Variants in SHANK1 observed in about 807,000 individuals in gnomAD.
SHANK1 encodes SH3 and multiple ankyrin repeat domains 1.
In SHANK1, 35 loss-of-function variants were observed where a neutral mutation model predicts 165.6. That is an observed-to-expected ratio of 0.21 (90% CI 0.16 to 0.28). SHANK1 has a LOEUF of 0.28. Among genes scored for constraint, SHANK1 ranks in the 10% least tolerant of loss-of-function variants. The pLI is 1.00. For missense variants in SHANK1, 2,681 were observed against 3,036.4 expected (o/e 0.88, Z 2.75); for synonymous variants, 1,428 against 1,384.8 (o/e 1.03, Z -0.69).
chr19:50,697,815 T>C lies in SHANK1; in HGVS notation c.1861+28A>G, dbSNP rs1432747265. ...GTGGACGTGGGAATCCTAGGGTCCA[T>C]TGAACACTGCTGGGGGTTCCGCATT... On this transcript the variant is annotated intron_variant, in intron 13 of 23. Transcript: ENST00000293441. The surrounding 1 kb of genome is among the most constrained non-coding windows in gnomAD (Gnocchi z 4.7). The C allele has an allele frequency of 1.3e-6, 2 of 1,586,476 alleles. No homozygotes were observed. The highest frequency in any genetic ancestry group is 1.7e-5 in the Admixed American group (1 of 59,868).
rs2123140434 is a variant in SHANK1 at position 50,690,454 on chromosome 19, G to A, written c.1965-1175C>T. Among the ~76,000 whole-genome samples the A allele has an allele frequency of 6.6e-6, 1 of 152,168 alleles. No homozygotes were observed. Among genetic ancestry groups the A allele is most frequent in the East Asian group, 1.9e-4 (1 of 5,180 alleles). Reference sequence around the variant, plus strand: ...CAGACACCCTGGCTGCAACCCCACTGCCTTCAGAATACCCAAGAACACCCA... The same window carrying A: ...CAGACACCCTGGCTGCAACCCCACTACCTTCAGAATACCCAAGAACACCCA... On this transcript the variant is annotated intron_variant, in intron 15 of 23. Coordinates refer to ENST00000293441, the MANE Select transcript of SHANK1 (RefSeq NM_016148.5). This position sits in a 1 kb window ranked among gnomAD's most constrained non-coding sequence, Gnocchi z 4.9.
At chr19:50,676,600 T>A (rs1202486456) in intron 21 of SHANK1, among the ~76,000 whole-genome samples, 1 of 152,134 alleles carries the variant, frequency 6.6e-6, no homozygotes, top group Non-Finnish European at 1.5e-5. Context: ...CAAGGTCTCC[T>A]CTCTGGAGAG....
In SHANK1 at chr19:50,668,066, G is replaced by A. The variant is rs1164549714; in HGVS notation, c.3894C>T (p.Tyr1298=). The change falls in exon 23 of 24, where the codon TAC becomes TAT. Residue 1298 remains tyrosine (Y), a synonymous_variant. Transcript: ENST00000293441. ...IDEGMFSAEP[Y]LRLESAGSGA... is the part of the protein sequence containing the mutation. ...CGCTGCCCGCAGACTCCAGTCGGAG[G>A]TAGGGCTCGGCGGAGAACATGCCCT... is the stretch of plus-strand genomic sequence containing the variant. The A allele has an allele frequency of 7.4e-6, 11 of 1,480,646 alleles. No homozygotes were observed. The East Asian group carries it at 3.3e-4, about 44-fold the overall frequency. The allele number at this position is 1,480,646 out of a possible 1,614,324, so 91.7% of individuals were successfully genotyped here.
At chr19:50,693,408 C>T (rs1298446622) in intron 15 of SHANK1, among the ~76,000 whole-genome samples, 1 of 151,172 alleles carries the variant, frequency 6.6e-6, no homozygotes, top group Non-Finnish European at 1.5e-5. Context: ...GCCCCTGCAG[C>T]ACCCCATTCA....
rs368927877 is a variant in SHANK1 at position 50,703,629 on chromosome 19, G to A, written c.1424C>T (p.Ser475Leu). The A allele has an allele frequency of 1.2e-5, 19 of 1,548,168 alleles. No homozygotes were observed. The highest frequency in any genetic ancestry group is 5.9e-5 in the Admixed American group (3 of 51,234). Residue 475 changes from serine (S) to leucine (L), a missense_variant, in exon 11 of 24, where the codon TCG becomes TTG. Physicochemically the swap from Ser to Leu is moderately radical, Grantham distance 145. Transcript: ENST00000293441. ...GCTGCTGAGCTTGGTGGTGGGGGCC[G>A]AGGGCTGCGACTGGCCCTGGGACCC... Reference protein sequence around the residue: ...TSGSQGQSQPSAPTTKLSSGT... With the variant: ...TSGSQGQSQPLAPTTKLSSGT...
rs1985618520 is a variant in SHANK1, at chr19:50,668,017, C to T, written c.3943G>A (p.Ala1315Thr). The T allele has an allele frequency of 1.4e-6, 2 of 1,475,668 alleles. No homozygotes were observed. Among genetic ancestry groups the T allele is most frequent in the Admixed American group, 2.3e-5 (1 of 43,000 alleles). The allele number at this position is 1,475,668 out of a possible 1,614,324, so 91.4% of individuals were successfully genotyped here. A position where few individuals can be genotyped will look rare whatever the true frequency, so the allele number is the denominator to read the frequency against. The change falls in exon 23 of 24, where the codon GCC (alanine) becomes ACC (threonine). Residue 1315 changes from alanine (A) to threonine (T), a missense_variant. Physicochemically the swap from Ala to Thr is moderately conservative, Grantham distance 58. This residue lies in a region of SHANK1 where 1,713 missense variants were observed against 1,630.2 expected (regional missense o/e 1.05). Coordinates refer to ENST00000293441, the MANE Select transcript of SHANK1 (RefSeq NM_016148.5). ...CCACCCCCGTAGGCTCGGCTACCGG[C>T]CCCGTAGCCGCCGTAGCCCGCGCCG... ...GSGAGYGGYG[A>T]GSRAYGGGGG...
At chr19:50,711,599 A>C (rs1427793435) in intron 7 of SHANK1, 112 bp from the exon 8 acceptor site, 4 of 768,538 alleles carry the variant, frequency 5.2e-6, no homozygotes, top group Admixed American at 4.8e-5. Context: ...CGTTCACCGC[A>C]TCCACCTCCC....
chr19:50,680,523 A>C (rs73598619), intron 21 of SHANK1, among the ~76,000 whole-genome samples: 2,737 of 152,210 alleles, frequency 0.018, 79 homozygotes, highest in East Asian at 0.12. Context: ...ACAGCCCAAG[A>C]GGTGCCCTGA....
intron 21 of SHANK1, among the ~76,000 whole-genome samples, chr19:50,679,536 C>G (rs1264462718): frequency 6.6e-6 from 1 of 152,144 alleles, no homozygotes; most frequent in Non-Finnish European, 1.5e-5. Flanking sequence ...GCAGAAGGGA[C>G]AGCCAATCAG....
At position 50,697,648 on chromosome 19, in the gene SHANK1, C is replaced by T. The variant is rs1986784458; in HGVS notation, c.1878G>A (p.Lys626=). Residue 626 remains lysine (K), a synonymous_variant, in exon 14 of 24, where the codon AAG becomes AAA. Coordinates refer to ENST00000293441, the MANE Select transcript of SHANK1 (RefSeq NM_016148.5). The surrounding 1 kb of genome is among the most constrained non-coding windows in gnomAD (Gnocchi z 4.7). ...QESKQESRSD[K]AKRLFRHYTV... ...TATAATGCCGGAAGAGTCTCTTTGC[C>T]TTGTCACTGCGGCTTTCTGCAGGGT... 6.8e-6 allele frequency: 11 copies of T among 1,613,992 alleles called. No homozygotes were observed. The highest frequency in any genetic ancestry group is 9.3e-6 in the Non-Finnish European group (11 of 1,179,974).
chr19:50,682,430 C>A (rs1199966386), intron 21 of SHANK1, among the ~76,000 whole-genome samples: 1 of 152,134 alleles, frequency 6.6e-6, no homozygotes, highest in Non-Finnish European at 1.5e-5. Context: ...CCTCATGGAA[C>A]CCTCATAAGA....
At position 50,665,737 on chromosome 19, in the gene SHANK1, T is replaced by TAAAAAA. The variant is rs71182756; in HGVS notation, c.5768+449_5768+454dup. Among the ~76,000 whole-genome samples, 283 of 98,146 alleles carry TAAAAAA rather than the reference T, an allele frequency of 2.9e-3. 16 individuals are homozygous for TAAAAAA. The highest frequency in any genetic ancestry group is 5.7e-3 in the Admixed American group (55 of 9,672). The allele number at this position is 98,146 out of a possible 152,430, so 64.4% of individuals were successfully genotyped here. Reference sequence around the variant, plus strand: ...GGGTGACAGAGTGAGACCCTGTTTCTAAAAAAAAAAAAAAAGCCAGGCATG... The same window carrying TAAAAAA: ...GGGTGACAGAGTGAGACCCTGTTTCTAAAAAAAAAAAAAAAAAAAAAGCCAGGCATG... On this transcript the variant is annotated intron_variant, in intron 23 of 23. Transcript: ENST00000293441.
chr19:50,712,223 G>A, intron 6 of SHANK1, 109 bp from the exon 7 acceptor site: 4 of 1,122,690 alleles, frequency 3.6e-6, no homozygotes, highest in Non-Finnish European at 5.1e-6. Context: ...ACCTACAGTG[G>A]CCAATGACAG....
chr19:50,711,548 A>G (rs1907297167), intron 7 of SHANK1, 61 bp from the exon 8 acceptor site: 1 of 1,250,632 alleles, frequency 8.0e-7, no homozygotes, highest in Non-Finnish European at 1.1e-6. Flanking sequence ...CTCTGGGCCA[A>G]GAGTCTGTCT....
chr19:50,711,137 G>A, intron 8 of SHANK1: 2 of 529,420 alleles, frequency 3.8e-6, no homozygotes, highest in Admixed American at 3.2e-5. Flanking sequence ...TTTGTCCCCA[G>A]CACCCAGCTC....
At position 50,668,040 on chromosome 19, in the gene SHANK1, C is replaced by T. The variant is rs1266987615; in HGVS notation, c.3920G>A (p.Gly1307Asp). The part of the protein sequence containing the change: ...PYLRLESAGS[G>D]AGYGGYGAGS... ...GGCCCCGTAGCCGCCGTAGCCCGCG[C>T]CGCTGCCCGCAGACTCCAGTCGGAG... The change falls in exon 23 of 24, where the codon GGC becomes GAC. Residue 1307 changes from glycine to aspartate, a missense_variant. Coordinates refer to ENST00000293441, the MANE Select transcript of SHANK1 (RefSeq NM_016148.5). 1 of 1,476,868 alleles carries T rather than the reference C, an allele frequency of 6.8e-7. No individual in the cohort carries two copies. The highest frequency in any genetic ancestry group is 8.9e-7 in the Non-Finnish European group (1 of 1,119,276). The allele number at this position is 1,476,868 out of a possible 1,614,324, so 91.5% of individuals were successfully genotyped here.
At chr19:50,707,947 TTTTCTTTTCTTTTC>T in intron 8 of SHANK1, among the ~76,000 whole-genome samples, 1 of 81,348 alleles carries the variant, frequency 1.2e-5, no homozygotes, top group Admixed American at 1.6e-4. Flanking sequence ...TTTTCTTTTC[TTTTCTTTTCTTTTC>T]TTTTGAGATG....
rs772243664 is a variant in SHANK1 at position 50,666,241 on chromosome 19, C to T, written c.5719G>A (p.Gly1907Arg). ...GSGGGGDSHH[G>R]GASYVPERTS... ...CTCTCGGGGACATAGCTGGCTCCCC[C>T]GTGGTGGCTGTCTCCGCCTCCCCCA... Residue 1907 changes from glycine (G) to arginine (R), a missense_variant, in exon 23 of 24, where the codon GGG becomes AGG. Physicochemically the swap from Gly to Arg is moderately radical, Grantham distance 125. Coordinates refer to ENST00000293441, the MANE Select transcript of SHANK1 (RefSeq NM_016148.5). 42 of 1,609,372 alleles carry T rather than the reference C, an allele frequency of 2.6e-5. No homozygotes were observed. In the South Asian group the frequency reaches 3.0e-4, roughly 11 times the overall value.
chr19:50,680,616 G>A (rs1322335300), intron 21 of SHANK1, among the ~76,000 whole-genome samples: 1 of 151,730 alleles, frequency 6.6e-6, no homozygotes, highest in African/African-American at 2.4e-5. Context: ...TTTGGAGAGG[G>A]TTGAAATCTC....
Sources: allele counts gnomAD v4.1 joint callset (sites outside exome capture counted in the v4.1 genomes callset), GRCh38; gene constraint gnomAD v4.1.1; regional missense constraint gnomAD v4.1.1; non-coding constraint Gnocchi (gnomAD v3.1); transcripts MANE v1.5; gene names NCBI Gene and HGNC (gene_info 2026-07-23, HGNC 2026-07-21).